The following UMAD1 variants were observed in gnomAD, a reference collection of about 807,000 sequenced individuals.
UMAD1 encodes the protein UBAP1-MVB12-associated (UMA) domain containing 1.
Under a neutral mutation model 6.1 loss-of-function variants are expected in UMAD1, and 8 were observed. That is an observed-to-expected ratio of 1.30 (90% CI 0.76 to 2.35). The LOEUF is 2.35. UMAD1 is among the 30% of genes most tolerant of loss of function. The pLI is 0.00. For missense variants in UMAD1, 130 were observed against 78.4 expected (o/e 1.66, Z -2.49); for synonymous variants, 56 against 31.4 (o/e 1.78, Z -2.61).
intron 3 of UMAD1, among the ~76,000 whole-genome samples, chr7:7,809,206 G>A (rs1037172724): frequency 2.6e-5 from 4 of 151,906 alleles, no homozygotes; most frequent in South Asian, 2.1e-4. Flanking sequence ...GGATTTAAGG[G>A]ACTTTGTTTA....
intron 1 of UMAD1, among the ~76,000 whole-genome samples, chr7:7,653,858 G>A (rs28992774): frequency 6.6e-6 from 1 of 152,160 alleles, no homozygotes; most frequent in African/African-American, 2.4e-5. Context: ...CACTTAGTGG[G>A]TTAAAGCCAG....
chr7:7,838,538 A>C (rs1480230478), intron 3 of UMAD1, among the ~76,000 whole-genome samples: 1 of 152,226 alleles, frequency 6.6e-6, no homozygotes, highest in East Asian at 1.9e-4. Flanking sequence ...CACTTTTAGC[A>C]ATAATCTGGC....
intron 2 of UMAD1, among the ~76,000 whole-genome samples, chr7:7,798,814 G>A (rs1401205221): frequency 3.9e-5 from 6 of 152,224 alleles, no homozygotes; most frequent in Non-Finnish European, 8.8e-5. Flanking sequence ...AGGTCACTGA[G>A]TGCCTCTGCC....
At chr7:7,835,078 C>CGAGGT (rs1482327185) in intron 3 of UMAD1, among the ~76,000 whole-genome samples, 1 of 152,148 alleles carries the variant, frequency 6.6e-6, no homozygotes, top group African/African-American at 2.4e-5. Context: ...GTTTACAGTT[C>CGAGGT]GAGGTGAGAT....
chr7:7,668,747 A>C (rs1779532126), intron 1 of UMAD1, among the ~76,000 whole-genome samples: 2 of 152,258 alleles, frequency 1.3e-5, no homozygotes, highest in South Asian at 4.1e-4. Flanking sequence ...TGTTAGTGAT[A>C]CATACATTTA....
At chr7:7,786,155 G>A (rs1365296261) in intron 2 of UMAD1, among the ~76,000 whole-genome samples, 3 of 152,120 alleles carry the variant, frequency 2.0e-5, no homozygotes, top group Non-Finnish European at 4.4e-5. Flanking sequence ...TCCCAGTGAT[G>A]TCCTTTACAG....
At chr7:7,818,263 T>C (rs1321668506) in intron 3 of UMAD1, among the ~76,000 whole-genome samples, 2 of 152,226 alleles carry the variant, frequency 1.3e-5, no homozygotes, top group Admixed American at 1.3e-4. Context: ...ATTAGTTTGC[T>C]AAGGATAAAG....
intron 2 of UMAD1, among the ~76,000 whole-genome samples, chr7:7,755,206 G>A (rs1438211820): frequency 6.6e-6 from 1 of 152,136 alleles, no homozygotes; most frequent in Non-Finnish European, 1.5e-5. Context: ...ATGTTATTTA[G>A]TAAAGCAGAG....
chr7:7,687,435 T>C (rs17169495), intron 2 of UMAD1: 9,016 of 152,318 alleles, frequency 0.059, 272 homozygotes, highest in Middle Eastern at 0.12. Context: ...TTAGTTTAGC[T>C]GGAGAGAATT....
At chr7:7,864,160 T>A (rs547349492) in intron 3 of UMAD1, among the ~76,000 whole-genome samples, 41 of 152,302 alleles carry the variant, frequency 2.7e-4, no homozygotes, top group Middle Eastern at 3.4e-3. Context: ...AAGCTACAAC[T>A]TTAAGCAAAA....
At chr7:7,662,121 G>A (rs968381107) in intron 1 of UMAD1, among the ~76,000 whole-genome samples, 2 of 152,080 alleles carry the variant, frequency 1.3e-5, no homozygotes, top group Non-Finnish European at 2.9e-5. Context: ...AGGGGAAAAC[G>A]GCCCACTCAA....
At chr7:7,876,802 A>G (rs1784427805) in intron 3 of UMAD1, among the ~76,000 whole-genome samples, 1 of 152,210 alleles carries the variant, frequency 6.6e-6, no homozygotes, top group Non-Finnish European at 1.5e-5. Flanking sequence ...GTTGGAGATA[A>G]GATATATTTG....
chr7:7,859,754 TA>T (rs1218088626), intron 3 of UMAD1, among the ~76,000 whole-genome samples: 4 of 152,214 alleles, frequency 2.6e-5, no homozygotes, highest in African/African-American at 9.6e-5. Context: ...TATATTCTGA[TA>T]ATTACCTTTT....
chr7:7,793,820 T>G (rs1461667220), intron 2 of UMAD1, among the ~76,000 whole-genome samples: 1 of 152,206 alleles, frequency 6.6e-6, no homozygotes, highest in Non-Finnish European at 1.5e-5. Flanking sequence ...AAGAATATAT[T>G]TTATAACCAA....
intron 2 of UMAD1, chr7:7,741,970 C>A: frequency 7.3e-6 from 2 of 273,212 alleles, no homozygotes; most frequent in East Asian, 8.4e-5. Context: ...AAAAATATTT[C>A]TTACCAACTG....
chr7:7,810,208 A>G (rs201525836), intron 3 of UMAD1, among the ~76,000 whole-genome samples: 1 of 93,210 alleles, frequency 1.1e-5, no homozygotes, highest in South Asian at 2.9e-4. Flanking sequence ...TACTCACACA[A>G]GATATTCATA....
chr7:7,741,390 T>C (rs1312735340), intron 2 of UMAD1, among the ~76,000 whole-genome samples: 1 of 151,660 alleles, frequency 6.6e-6, no homozygotes, highest in East Asian at 1.9e-4. Context: ...GCTAACACAG[T>C]GAAACCCCAT....
At chr7:7,655,252 C>A (rs1245531308) in intron 1 of UMAD1, among the ~76,000 whole-genome samples, 1 of 152,112 alleles carries the variant, frequency 6.6e-6, no homozygotes, top group East Asian at 1.9e-4. Flanking sequence ...GCCCCTTCCC[C>A]CAGTACTCTT....
At chr7:7,759,917 G>T (rs993963020) in intron 2 of UMAD1, among the ~76,000 whole-genome samples, 1 of 152,086 alleles carries the variant, frequency 6.6e-6, no homozygotes, top group South Asian at 2.1e-4. Flanking sequence ...AAACATGGCT[G>T]CATATTCTTT....
Sources: allele counts gnomAD v4.1 joint callset (sites outside exome capture counted in the v4.1 genomes callset), GRCh38; gene constraint gnomAD v4.1.1; transcripts MANE v1.5; gene names NCBI Gene and HGNC (gene_info 2026-07-23, HGNC 2026-07-21).